The following WDR7 variants were observed in gnomAD, a reference collection of about 807,000 sequenced individuals.
WDR7 encodes WD repeat-containing protein 7.
WDR7 carries 46 observed loss-of-function variants against 169.4 expected under a neutral mutation model. The ratio of observed to expected loss-of-function variants is 0.27; its 90% CI spans 0.21 to 0.35. The LOEUF is 0.35. Ranked by LOEUF, WDR7 falls within the 10% of genes least tolerant of loss-of-function variation. The pLI, the probability that WDR7 is intolerant of heterozygous loss-of-function variation, is 1.00. For synonymous variants in WDR7, 612 were observed against 666.8 expected (o/e 0.92, Z 1.27); for missense variants, 1,534 against 1,859.3 (o/e 0.83, Z 3.22).
intron 19 of WDR7, among the ~76,000 whole-genome samples, chr18:56,784,875 G>A (rs769707160): frequency 4.6e-5 from 7 of 150,912 alleles, no homozygotes; most frequent in African/African-American, 1.5e-4. Flanking sequence ...TTAGCTAAAT[G>A]CTGGCTTACT....
At chr18:56,900,409 G>A (rs916636786) in intron 21 of WDR7, among the ~76,000 whole-genome samples, 5 of 151,976 alleles carry the variant, frequency 3.3e-5, no homozygotes, top group Non-Finnish European at 7.4e-5. Context: ...AATCAGTCAG[G>A]AAATAGAAAC....
At chr18:56,703,172 T>C (rs1026168319) in intron 12 of WDR7, among the ~76,000 whole-genome samples, 3 of 152,204 alleles carry the variant, frequency 2.0e-5, no homozygotes, top group African/African-American at 7.2e-5. Context: ...GTGCCTTCAA[T>C]TGACAGTATT....
At chr18:56,998,186 CTTA>C (rs907905799) in intron 26 of WDR7, among the ~76,000 whole-genome samples, 1 of 152,122 alleles carries the variant, frequency 6.6e-6, no homozygotes, top group Non-Finnish European at 1.5e-5. Flanking sequence ...GCAGTGAAGA[CTTA>C]GGTATCCGTA....
Position 56,740,764 on chromosome 18 carries a change from A to C in WDR7, c.1989+9167A>C, listed in dbSNP as rs535259164. 2.6e-5 allele frequency among the ~76,000 whole-genome samples: 4 copies of C among 152,236 alleles called. No individual in the cohort carries two copies. The East Asian group carries it at 7.7e-4, about 29-fold the overall frequency. On this transcript the variant is annotated intron_variant, in intron 14 of 27. Transcript: ENST00000254442. The stretch of plus-strand genomic sequence containing the variant: ...ATCTTCTTAGCATGAGAACCCTGCC[A>C]AAAACTCCATTTTGCTTTCTAGAGA...
chr18:56,929,478 CT>C (rs1417620446), intron 22 of WDR7, among the ~76,000 whole-genome samples: 1 of 152,122 alleles, frequency 6.6e-6, no homozygotes, highest in African/African-American at 2.4e-5. Flanking sequence ...AGATGAAAAT[CT>C]TTTCAACATC....
chr18:56,903,361 A>G (rs573626751), intron 21 of WDR7, among the ~76,000 whole-genome samples: 1 of 152,258 alleles, frequency 6.6e-6, no homozygotes, highest in East Asian at 1.9e-4. Context: ...GTAAGTATCC[A>G]TTAATAAAAC....
chr18:56,758,161 G>T (rs1279020158), intron 15 of WDR7, among the ~76,000 whole-genome samples: 3 of 152,080 alleles, frequency 2.0e-5, no homozygotes, highest in Admixed American at 2.0e-4. Flanking sequence ...GCCTCAATTT[G>T]TCTTTTTATG....
intron 23 of WDR7, among the ~76,000 whole-genome samples, chr18:56,936,984 GT>G (rs140657731): frequency 3.3e-5 from 5 of 151,662 alleles, no homozygotes; most frequent in African/African-American, 9.7e-5. Context: ...GTCTTGGAAG[GT>G]TTTTTTTGCC....
chr18:56,807,887 T>A (rs975230450), intron 19 of WDR7, among the ~76,000 whole-genome samples: 1 of 152,192 alleles, frequency 6.6e-6, no homozygotes, highest in African/African-American at 2.4e-5. Context: ...TTATTCAGAA[T>A]AAGGGATAAA....
At chr18:56,712,009 C>A (rs1049560686) in intron 12 of WDR7, among the ~76,000 whole-genome samples, 1 of 151,990 alleles carries the variant, frequency 6.6e-6, no homozygotes, top group Non-Finnish European at 1.5e-5. Flanking sequence ...ATGTGTTTAG[C>A]GACTATTCAG....
intron 26 of WDR7, among the ~76,000 whole-genome samples, chr18:57,002,170 G>T (rs969624170): frequency 6.6e-6 from 1 of 152,082 alleles, no homozygotes. Flanking sequence ...TAATTTCATA[G>T]TGTCTATGAT....
rs754879153 is a variant in WDR7 at position 56,681,384 on chromosome 18, G to T, written c.338G>T (p.Gly113Val). The T allele has an allele frequency of 1.3e-6, 2 of 1,580,238 alleles. No individual in the cohort carries two copies. Among genetic ancestry groups the T allele is most frequent in the Non-Finnish European group, 1.7e-6 (2 of 1,168,776 alleles). The part of the protein sequence containing the change: ...EFTKLACTHT[G>V]IQFYQFSVGN... ...ACAAAATTAGCTTGCACACATACTG[G>T]CATACAGGTTAGTTTCTATTTCTGT... Residue 113 changes from glycine (G) to valine (V), a missense_variant, in exon 4 of 28, where the codon GGC becomes GTC. Coordinates refer to ENST00000254442, the MANE Select transcript of WDR7 (RefSeq NM_015285.3).
chr18:56,990,695 T>C (rs1473813069), intron 26 of WDR7, among the ~76,000 whole-genome samples: 3 of 152,182 alleles, frequency 2.0e-5, no homozygotes, highest in Non-Finnish European at 4.4e-5. Flanking sequence ...ATGTTTATAT[T>C]ACTAATAATA....
intron 1 of WDR7, among the ~76,000 whole-genome samples, chr18:56,670,676 A>G (rs887956866): frequency 1.3e-5 from 2 of 151,790 alleles, no homozygotes; most frequent in Admixed American, 1.3e-4. Flanking sequence ...TCGCCTGGCT[A>G]ATGTTTGTAT....
rs75272940 is a variant in WDR7, at chr18:56,660,072, G to A, written c.-20+8496G>A. Among the ~76,000 whole-genome samples, 1,026 of 152,188 alleles carry A rather than the reference G, an allele frequency of 6.7e-3. 11 individuals are homozygous for A. The highest frequency in any genetic ancestry group is 0.024 in the African/African-American group (983 of 41,526). On this transcript the variant is annotated intron_variant, in intron 1 of 27. Transcript: ENST00000254442. ...GGAGTTTACTGATGGATTGGGATGT[G>A]GAATGTGTATGTGTGAGAGAGTAAT...
intron 19 of WDR7, among the ~76,000 whole-genome samples, chr18:56,789,952 A>G (rs1234468478): frequency 2.0e-5 from 3 of 152,236 alleles, no homozygotes; most frequent in Non-Finnish European, 4.4e-5. Context: ...GAAATGCCTG[A>G]TATACCTTTA....
intron 2 of WDR7, among the ~76,000 whole-genome samples, chr18:56,676,898 G>A (rs1251890831): frequency 6.6e-6 from 1 of 152,072 alleles, no homozygotes; most frequent in Non-Finnish European, 1.5e-5. Flanking sequence ...ACAGGCATGA[G>A]CCAGGGGCCT....
At chr18:56,986,686 GT>G (rs1251112205) in intron 26 of WDR7, among the ~76,000 whole-genome samples, 3 of 151,644 alleles carry the variant, frequency 2.0e-5, no homozygotes, top group Non-Finnish European at 4.4e-5. Flanking sequence ...TTTACTTTCA[GT>G]TTATGTCCAC....
At chr18:56,750,706 C>G (rs1313010375) in intron 14 of WDR7, among the ~76,000 whole-genome samples, 2 of 152,134 alleles carry the variant, frequency 1.3e-5, no homozygotes, top group African/African-American at 2.4e-5. Context: ...TTAGTGTGCT[C>G]TAGACATGAA....
Sources: gnomAD v4.1 joint callset for allele counts (sites outside exome capture counted in the v4.1 genomes callset) on GRCh38, gnomAD v4.1.1 for gene constraint, MANE v1.5 for transcripts, NCBI Gene and HGNC (gene_info 2026-07-23, HGNC 2026-07-21) for gene names.